The following PFKP variants were observed in gnomAD, a reference collection of about 807,000 sequenced individuals.
The protein encoded by PFKP is phosphofructokinase, platelet.
A neutral mutation model predicts 94.3 loss-of-function variants in PFKP; 101 were observed. The ratio of observed to expected loss-of-function variants is 1.07; its 90% CI spans 0.91 to 1.26. The LOEUF (loss-of-function observed/expected upper bound fraction) is 1.26, where lower values mean the gene tolerates loss of function less well. Ranked by LOEUF, PFKP falls within the 50% of genes most tolerant of loss-of-function variation. The probability of loss-of-function intolerance (pLI) is 0.00; values close to 1 mark genes in which losing one functional copy is unlikely to be tolerated. For missense variants in PFKP, 1,145 were observed against 1,103.3 expected, an observed-to-expected ratio of 1.04 and a Z score of -0.53; for synonymous variants, 573 against 432.6, an observed-to-expected ratio of 1.32 and a Z score of -4.03.
At chr10:3,128,828 GCT>G (rs1031569787) in intron 16 of PFKP, among the ~76,000 whole-genome samples, 1 of 152,180 alleles carries the variant, frequency 6.6e-6, no homozygotes, top group Non-Finnish European at 1.5e-5. Context: ...TTTGGGGGCT[GCT>G]CTCCCGCCCA....
intron 17 of PFKP, among the ~76,000 whole-genome samples, chr10:3,131,153 TCTTA>T (rs1838543515): frequency 6.6e-6 from 1 of 152,130 alleles, no homozygotes; most frequent in African/African-American, 2.4e-5. Flanking sequence ...AATATGTATC[TCTTA>T]CTGTGCTTTT....
chr10:3,109,520 G>A (rs755274844), intron 10 of PFKP, 40 bp downstream of exon 10: 1 of 1,590,994 alleles, frequency 6.3e-7, no homozygotes, highest in Admixed American at 1.7e-5. Context: ...GGCGGAGACG[G>A]CTGGGACAGA....
chr10:3,127,719 C>G (rs953798682), intron 16 of PFKP, among the ~76,000 whole-genome samples: 2 of 152,208 alleles, frequency 1.3e-5, no homozygotes, highest in African/African-American at 4.8e-5. Flanking sequence ...TCCTCCTAAG[C>G]ACAAAGATGG....
At chr10:3,074,267 A>G (rs1209179802) in intron 1 of PFKP, among the ~76,000 whole-genome samples, 1 of 152,202 alleles carries the variant, frequency 6.6e-6, no homozygotes, top group Non-Finnish European at 1.5e-5. Flanking sequence ...AGGTGCGGGT[A>G]CGACGTGCCT....
Position 3,136,430 on chromosome 10 carries a change from G to A in PFKP, c.2226-20G>A. 1.2e-6 allele frequency: 2 copies of A among 1,613,062 alleles called. No individual in the cohort carries two copies. The highest frequency in any genetic ancestry group is 8.5e-7 in the Non-Finnish European group (1 of 1,179,402). On this transcript the variant is annotated intron_variant, in intron 21 of 21. Transcript: ENST00000381125. ...GCCAGTGACTGCAGGCCTCACTGCTGTCTCCTCTTACCTCCACAGGCACAG... is the reference window on the plus strand; with the variant it reads ...GCCAGTGACTGCAGGCCTCACTGCTATCTCCTCTTACCTCCACAGGCACAG...
In PFKP at chr10:3,096,654, C is replaced by CCCCA. The variant is rs149715295; in HGVS notation, c.187-2618_187-2617insACCC. Among the ~76,000 whole-genome samples the CCCCA allele has an allele frequency of 5.4e-3, 309 of 57,424 alleles. 2 individuals are homozygous for CCCCA. Among genetic ancestry groups the CCCCA allele is most frequent in the African/African-American group, 0.022 (297 of 13,756 alleles). 37.7% of individuals were successfully genotyped at this position (57,424 alleles called of 152,430 possible). A position where few individuals can be genotyped will look rare whatever the true frequency, so the allele number is the denominator to read the frequency against. On this transcript the variant is annotated intron_variant, in intron 2 of 21. Transcript: ENST00000381125. ...ACATGCCTGCTTCCTTGTTTCCTTG[C>CCCCA]CCCCCCGAGCTTCATGGAAGTCAAT...
intron 15 of PFKP, 108 bp from the exon 16 acceptor site, chr10:3,119,784 T>TTTAAAAAA: frequency 1.3e-6 from 1 of 771,366 alleles, no homozygotes; most frequent in South Asian, 1.9e-5. Flanking sequence ...GATGCCCCAG[T>TTTAAAAAA]GTGCTCCCTG....
chr10:3,131,449 G>A (rs756426348), intron 17 of PFKP, among the ~76,000 whole-genome samples: 1 of 152,146 alleles, frequency 6.6e-6, no homozygotes, highest in African/African-American at 2.4e-5. Flanking sequence ...AATTATGACA[G>A]ATTTTTATTT....
At chr10:3,095,236 C>CGCGCATAGGTGAACTACGCG (rs559127368) in intron 2 of PFKP, among the ~76,000 whole-genome samples, 36,724 of 151,472 alleles carry the variant, frequency 0.24, 5,544 homozygotes, top group Non-Finnish European at 0.33. Flanking sequence ...AGAAAGCCAC[C>CGCGCATAGGTGAACTACGCG]CATAGGTGAA....
intron 2 of PFKP, among the ~76,000 whole-genome samples, chr10:3,088,315 G>T (rs1319987648): frequency 6.6e-6 from 1 of 152,026 alleles, no homozygotes; most frequent in Non-Finnish European, 1.5e-5. Context: ...TCCCTACAAA[G>T]GACATGAACT....
chr10:3,088,290 C>T (rs961573609), intron 2 of PFKP, among the ~76,000 whole-genome samples: 1 of 151,920 alleles, frequency 6.6e-6, no homozygotes, highest in African/African-American at 2.4e-5. Context: ...ATAATGGTTT[C>T]CAGCTTCATC....
Position 3,129,664 on chromosome 10 carries a change from C to A in PFKP, c.1684-155C>A. 3 of 778,142 alleles carry A rather than the reference C, an allele frequency of 3.9e-6. No individual in the cohort carries two copies. In the Admixed American group the frequency reaches 7.1e-5, roughly 18 times the overall value. 48.2% of individuals were successfully genotyped at this position (778,142 alleles called of 1,614,324 possible). ...TTCACACCCACTCCGAGGGCACATC[C>A]TGGCTGCTGCACACCCTTCACCTCT... On this transcript the variant is annotated intron_variant, in intron 16 of 21. Coordinates refer to ENST00000381125, the MANE Select transcript of PFKP (RefSeq NM_002627.5).
chr10:3,084,465 A>T (rs76468547), intron 2 of PFKP, among the ~76,000 whole-genome samples: 5,799 of 152,256 alleles, frequency 0.038, 160 homozygotes, highest in East Asian at 0.1. Flanking sequence ...GTTTGCTTTT[A>T]TTCAATTAAA....
At chr10:3,094,976 T>C (rs1834356532) in intron 2 of PFKP, among the ~76,000 whole-genome samples, 1 of 152,204 alleles carries the variant, frequency 6.6e-6, no homozygotes, top group South Asian at 2.1e-4. Context: ...TAACACTATC[T>C]GGAAGGCACT....
chr10:3,105,982 G>A (rs2388568), intron 7 of PFKP, among the ~76,000 whole-genome samples: 89,198 of 152,098 alleles, frequency 0.59, 27,097 homozygotes, highest in East Asian at 0.81. Flanking sequence ...CAGCAGCCAC[G>A]GTGGCCCAGC....
At chr10:3,136,386 C>G (rs1420287188) in intron 21 of PFKP, 64 bp from the exon 22 acceptor site, 8 of 1,569,844 alleles carry the variant, frequency 5.1e-6, no homozygotes, top group Non-Finnish European at 6.1e-6. Flanking sequence ...GCTGTGCTGG[C>G]CAGGCGGAGG....
rs564255790 is a variant in PFKP at position 3,128,463 on chromosome 10, C to T, written c.1684-1356C>T. 1.2e-3 allele frequency among the ~76,000 whole-genome samples: 178 copies of T among 151,786 alleles called. 1 individual carries two copies. Among genetic ancestry groups the T allele is most frequent in the South Asian group, 4.8e-3 (23 of 4,776 alleles). The stretch of plus-strand genomic sequence containing the variant: ...AAGGTGCCTCTGTGTGTCCCGTGGC[C>T]GCTGTGACACTGACCACACACCTGG... On this transcript the variant is annotated intron_variant, in intron 16 of 21. Transcript: ENST00000381125.
intron 1 of PFKP, among the ~76,000 whole-genome samples, chr10:3,074,341 G>T (rs1449762072): frequency 6.6e-6 from 1 of 152,182 alleles, no homozygotes; most frequent in Non-Finnish European, 1.5e-5. Context: ...CTCTGGTTGG[G>T]GCCCTTTGAC....
Position 3,111,485 on chromosome 10 carries a change from T to C in PFKP, c.1090-737T>C, listed in dbSNP as rs1404251131. ...CTTGTCTAGAGACGACCGTGGTAGG[T>C]GTCACTTGCCCTGACCTTGAAACCA... On this transcript the variant is annotated intron_variant, in intron 10 of 21. Transcript: ENST00000381125. Among the ~76,000 whole-genome samples, 5 of 152,106 alleles carry C rather than the reference T, an allele frequency of 3.3e-5. No homozygotes were observed. The South Asian group carries it at 1.0e-3, about 32-fold the overall frequency.
Sources: allele counts gnomAD v4.1 joint callset (sites outside exome capture counted in the v4.1 genomes callset), GRCh38; gene constraint gnomAD v4.1.1; transcripts MANE v1.5; gene names NCBI Gene and HGNC (gene_info 2026-07-23, HGNC 2026-07-21).